The following SLC12A9 variants were observed in gnomAD, a reference collection of about 807,000 sequenced individuals.
SLC12A9 encodes the protein solute carrier family 12 member 9.
A neutral mutation model predicts 66.0 loss-of-function variants in SLC12A9; 55 were observed. The ratio of observed to expected loss-of-function variants is 0.83; its 90% CI spans 0.67 to 1.04. The LOEUF is 1.04. SLC12A9 is among the 50% of genes least tolerant of loss of function. The pLI is 0.00. For missense variants in SLC12A9, 1,061 were observed against 1,241.9 expected, an observed-to-expected ratio of 0.85 and a Z score of 2.19; for synonymous variants, 577 against 569.0, an observed-to-expected ratio of 1.01 and a Z score of -0.20.
rs1481896156 is a variant in SLC12A9 at position 100,837,324 on chromosome 7, AATT to A, written n.228+10284_228+10286del. 7 of 150,314 alleles carry A rather than the reference AATT, an allele frequency of 4.7e-5. 1 individual carries two copies. Among genetic ancestry groups the A allele is most frequent in the Admixed American group, 2.0e-4 (3 of 14,644 alleles). The allele number at this position is 150,314 out of a possible 1,614,324, so 9.3% of individuals were successfully genotyped here. ...CAGGTCAGACCAAACCGTCTTTGAG[AATT>A]ATTATTTTTTCCATTAAAAAATGGT... On this transcript the variant is annotated intron_variant and non_coding_transcript_variant, in intron 1 of 1. Coordinates refer to the SLC12A9 transcript ENST00000461016.
Position 100,854,713 on chromosome 7 carries a change from C to T in SLC12A9, c.275C>T (p.Ala92Val), listed in dbSNP as rs1439299888. Residue 92 changes from alanine to valine, a missense_variant, in exon 3 of 14, where the codon GCC becomes GTC. Physicochemically the swap from Ala to Val is moderately conservative, Grantham distance 64. Coordinates refer to ENST00000354161, the MANE Select transcript of SLC12A9 (RefSeq NM_020246.4). ...ILALTVLSVCAIATNGAVQGG... is the reference protein window; with the variant it reads ...ILALTVLSVCVIATNGAVQGG... ...GCACTCACCGTCCTCTCTGTCTGTG[C>T]CATCGCCACCAATGGAGCCGTGCAG... 2 of 1,614,086 alleles carry T rather than the reference C, an allele frequency of 1.2e-6. No homozygotes were observed. The highest frequency in any genetic ancestry group is 2.2e-5 in the South Asian group (2 of 91,082).
At chr7:100,837,354 G>A (rs1325173337) in intron 1 of SLC12A9, 3 of 150,084 alleles carry the variant, frequency 2.0e-5, no homozygotes, top group Admixed American at 1.4e-4. Context: ...AAAAATGGTG[G>A]AGAGGACGAC....
At chr7:100,851,397 G>C (rs1022246825), upstream of SLC12A9, among the ~76,000 whole-genome samples, 1 of 151,658 alleles carries the variant, frequency 6.6e-6, no homozygotes, top group Non-Finnish European at 1.5e-5. Flanking sequence ...TGCCAAGGGA[G>C]TGCTTATAAC....
chr7:100,861,847 G>A lies in SLC12A9; in HGVS notation c.1647G>A (p.Arg549=). The change falls in exon 12 of 14, where the codon CGG becomes CGA. Residue 549 remains arginine, a synonymous_variant. Coordinates refer to ENST00000354161, the MANE Select transcript of SLC12A9 (RefSeq NM_020246.4). The surrounding 1 kb of genome is among the most constrained non-coding windows in gnomAD (Gnocchi z 5.3). Reference sequence around the variant, plus strand: ...CCCGGGGCGCCCTGCCTCTGCTGCGGTTGGCCAACCAGCTTAAGAAGGGGG... The same window carrying A: ...CCCGGGGCGCCCTGCCTCTGCTGCGATTGGCCAACCAGCTTAAGAAGGGGG... ...GNPRGALPLL[R]LANQLKKGGL... is the part of the protein sequence containing the mutation. 1 of 1,614,020 alleles carries A rather than the reference G, an allele frequency of 6.2e-7. No homozygotes were observed. Among genetic ancestry groups the A allele is most frequent in the South Asian group, 1.1e-5 (1 of 91,070 alleles).
chr7:100,854,273 G>A lies in SLC12A9; in HGVS notation c.76G>A (p.Ala26Thr), dbSNP rs1814250352. 1 of 1,594,458 alleles carries A rather than the reference G, an allele frequency of 6.3e-7. No homozygotes were observed. The highest frequency in any genetic ancestry group is 1.4e-5 in the African/African-American group (1 of 73,396). Residue 26 changes from alanine (A) to threonine (T), a missense_variant, in exon 2 of 14, where the codon GCC becomes ACC. Ala to Thr is a moderately conservative substitution (Grantham distance 58). Coordinates refer to ENST00000354161, the MANE Select transcript of SLC12A9 (RefSeq NM_020246.4). ...GGGGGTTGCCCTCCCTGCCAATGGG[G>A]CCGGGGGTCCTGGAGGGGCGTCTGC... ...EEGVALPANGAGGPGGASARK... is the reference protein window; with the variant it reads ...EEGVALPANGTGGPGGASARK...
chr7:100,855,620 T>G, intron 3 of SLC12A9, 86 bp from the exon 4 acceptor site: 1 of 1,588,332 alleles, frequency 6.3e-7, no homozygotes, highest in Non-Finnish European at 8.6e-7. Context: ...CTGGCTGCAC[T>G]TGGGTTCAGT....
chr7:100,834,120 C>A (rs1813596865), intron 1 of SLC12A9, among the ~76,000 whole-genome samples: 1 of 152,016 alleles, frequency 6.6e-6, no homozygotes, highest in Admixed American at 6.6e-5. Flanking sequence ...CAGGATCACG[C>A]AGGAAGCACA....
In SLC12A9 at chr7:100,865,858, C is replaced by T; in HGVS notation, c.1998C>T (p.Phe666=). ...GTTCCCCAGCTCTGAGCACCCTGTT[C>T]CCTCCTCCCCGGGCTCCTGGGAGCC... ...EGSSPALSTL[F]PPPRAPGSPR... Residue 666 remains phenylalanine (F), a synonymous_variant, in exon 14 of 14, where the codon TTC becomes TTT. Coordinates refer to ENST00000354161, the MANE Select transcript of SLC12A9 (RefSeq NM_020246.4). The T allele has an allele frequency of 6.2e-7, 1 of 1,613,764 alleles. No individual in the cohort carries two copies. Among genetic ancestry groups the T allele is most frequent in the East Asian group, 2.2e-5 (1 of 44,872 alleles).
At chr7:100,843,913 C>T (rs1315144222) in intron 1 of SLC12A9, among the ~76,000 whole-genome samples, 5 of 152,154 alleles carry the variant, frequency 3.3e-5, no homozygotes, top group African/African-American at 1.2e-4. Context: ...GCCCAACCTC[C>T]GAAACCATCC....
intron 1 of SLC12A9, among the ~76,000 whole-genome samples, chr7:100,828,421 C>A (rs907059640): frequency 1.6e-4 from 24 of 152,024 alleles, no homozygotes; most frequent in African/African-American, 5.1e-4. Flanking sequence ...CGCCTGTAAT[C>A]CTAGCTACTC....
Position 100,862,740 on chromosome 7 carries a change from CGTGCCCAGGTGAA to C in SLC12A9, c.1773_1785del (p.Ala592LeufsTer5). 6.2e-7 allele frequency: 1 copy of C among 1,614,172 alleles called. No individual in the cohort carries two copies. Among genetic ancestry groups the C allele is most frequent in the African/African-American group, 1.3e-5 (1 of 75,036 alleles). ...TGGGGCATGGCTCAGCCTGGTGGAC[CGTGCCCAGGTGAA>C]GGCTTTTGTGGATCTAACCCTCTCA... On this transcript the variant is annotated frameshift_variant, in exon 13 of 14. Coordinates refer to ENST00000354161, the MANE Select transcript of SLC12A9 (RefSeq NM_020246.4). LOFTEE classifies it high-confidence loss of function.
intron 1 of SLC12A9, among the ~76,000 whole-genome samples, chr7:100,831,347 G>T (rs314318): frequency 0.24 from 35,812 of 151,904 alleles, 4,832 homozygotes; most frequent in Middle Eastern, 0.37. Flanking sequence ...CCACCACACC[G>T]GGCTAATTTT....
rs766637822 is a variant in SLC12A9 at position 100,854,737 on chromosome 7, AG to A, written c.305del (p.Gly102AlafsTer6). The A allele has an allele frequency of 1.9e-6, 3 of 1,613,838 alleles. No individual in the cohort carries two copies. In the African/African-American group the frequency reaches 4.0e-5, roughly 22 times the overall value. ...VCAIATNGAV[Q>X]GGGAYFMISR... ...GCCATCGCCACCAATGGAGCCGTGC[AG>A]GGGGGCGGAGCCTACTGTATCCTCC... On this transcript the variant is annotated frameshift_variant, in exon 3 of 14. Coordinates refer to ENST00000354161, the MANE Select transcript of SLC12A9 (RefSeq NM_020246.4). LOFTEE classifies it high-confidence loss of function.
exon 1 of SLC12A9, chr7:100,826,924 T>C (rs1178282251): frequency 4.5e-5 from 69 of 1,518,350 alleles, no homozygotes; most frequent in Middle Eastern, 3.4e-4. Flanking sequence ...GCCCAGATGT[T>C]GGGGGGGAGG....
intron 1 of SLC12A9, chr7:100,837,245 A>C (rs913881373): frequency 6.6e-6 from 1 of 152,250 alleles, no homozygotes; most frequent in African/African-American, 2.4e-5. Context: ...GCCCAGTCCC[A>C]CAATCCCGTC....
chr7:100,857,150 GCA>G lies in SLC12A9; in HGVS notation c.732_733del (p.Ser244ArgfsTer13). 6.2e-7 allele frequency: 1 copy of G among 1,613,656 alleles called. No individual in the cohort carries two copies. Among genetic ancestry groups the G allele is most frequent in the Non-Finnish European group, 8.5e-7 (1 of 1,179,714 alleles). On this transcript the variant is annotated frameshift_variant, in exon 5 of 14. Coordinates refer to ENST00000354161, the MANE Select transcript of SLC12A9 (RefSeq NM_020246.4). LOFTEE classifies it high-confidence loss of function. ...TTTGGCCACTTCACCGGCTTCAACA[GCA>G]GTACCCTGAAGGACAACTTGGGCGG...
At chr7:100,849,903 C>T (rs1343333032), upstream of SLC12A9, among the ~76,000 whole-genome samples, 12 of 150,948 alleles carry the variant, frequency 7.9e-5, no homozygotes, top group African/African-American at 2.2e-4. Context: ...GTCAGAGTCT[C>T]GCTCTGTCAC....
chr7:100,850,722 CTTTT>C (rs552170386), upstream of SLC12A9, among the ~76,000 whole-genome samples: 3 of 141,522 alleles, frequency 2.1e-5, no homozygotes, highest in Admixed American at 7.1e-5. Context: ...TCTTCTTCTT[CTTTT>C]TTTTTTTTTT....
intron 1 of SLC12A9, among the ~76,000 whole-genome samples, chr7:100,829,013 A>G (rs1227272689): frequency 2.0e-5 from 3 of 149,216 alleles, no homozygotes; most frequent in African/African-American, 7.4e-5. Context: ...TTTGAGACAG[A>G]GTCTCCCTCT....
Sources: allele counts gnomAD v4.1 joint callset (sites outside exome capture counted in the v4.1 genomes callset), GRCh38; gene constraint gnomAD v4.1.1; non-coding constraint Gnocchi (gnomAD v3.1); transcripts MANE v1.5; gene names NCBI Gene and HGNC (gene_info 2026-07-23, HGNC 2026-07-21).